Variants in PGCKA1 observed in about 807,000 individuals in gnomAD.
PGCKA1 encodes the protein PDCD10 and GCKIII kinases associated 1.
the PGCKA1 span, among the ~76,000 whole-genome samples, chr4:37,520,925 T>C: frequency 0.066 from 10,092 of 152,272 alleles, 588 homozygotes; most frequent in South Asian, 0.24. Flanking sequence ...CCCTTTTTTC[T>C]CTTTTATTTT....
At chr4:37,588,825 C>A in the PGCKA1 span, 1 of 1,582,698 alleles carries the variant, frequency 6.3e-7, no homozygotes, top group Non-Finnish European at 8.7e-7. Flanking sequence ...TGTTCTCTAC[C>A]TTTTACGCTT....
chr4:37,578,826 G>A, the PGCKA1 span, among the ~76,000 whole-genome samples: 2 of 152,098 alleles, frequency 1.3e-5, no homozygotes, highest in Admixed American at 1.3e-4. Flanking sequence ...GGAGACAGAG[G>A]CAGGTGGATC....
the PGCKA1 span, among the ~76,000 whole-genome samples, chr4:37,509,017 A>C: frequency 6.6e-6 from 1 of 151,314 alleles, no homozygotes; most frequent in Non-Finnish European, 1.5e-5. Flanking sequence ...GATTAACAGC[A>C]TCCCAAGGCA....
chr4:37,509,214 C>T, the PGCKA1 span, among the ~76,000 whole-genome samples: 4 of 144,798 alleles, frequency 2.8e-5, no homozygotes, highest in African/African-American at 5.3e-5. Context: ...GACGGGGTGG[C>T]GGCCAGGCAG....
the PGCKA1 span, among the ~76,000 whole-genome samples, chr4:37,480,681 T>G: frequency 6.6e-6 from 1 of 152,208 alleles, no homozygotes; most frequent in Non-Finnish European, 1.5e-5. Flanking sequence ...AGGATTATTT[T>G]GGGGCAGACA....
the PGCKA1 span, chr4:37,590,893 G>C: frequency 1.9e-6 from 3 of 1,614,188 alleles, no homozygotes; most frequent in Non-Finnish European, 2.5e-6. Flanking sequence ...CCATGGCTCC[G>C]ATGGAGATGG....
chr4:37,531,468 T>C, the PGCKA1 span, among the ~76,000 whole-genome samples: 1 of 152,072 alleles, frequency 6.6e-6, no homozygotes, highest in South Asian at 2.1e-4. Context: ...CCCTTCAAGC[T>C]CAGAACCCAG....
the PGCKA1 span, among the ~76,000 whole-genome samples, chr4:37,483,664 A>G: frequency 6.6e-6 from 1 of 152,240 alleles, no homozygotes. Flanking sequence ...GATATCAAAG[A>G]TGGAGGTGTT....
chr4:37,519,118 A>G, the PGCKA1 span, among the ~76,000 whole-genome samples: 12 of 152,114 alleles, frequency 7.9e-5, no homozygotes, highest in African/African-American at 2.9e-4. Context: ...ATTCTGATCC[A>G]TTGGTCTATC....
the PGCKA1 span, among the ~76,000 whole-genome samples, chr4:37,513,439 T>C: frequency 2.0e-5 from 3 of 152,256 alleles, no homozygotes. Context: ...CTTCCTGGCT[T>C]GTAGATGGCA....
chr4:37,530,975 ACT>A, the PGCKA1 span, among the ~76,000 whole-genome samples: 1 of 152,002 alleles, frequency 6.6e-6, no homozygotes, highest in South Asian at 2.1e-4. Flanking sequence ...ACAGAACGAG[ACT>A]CTGTCTCAAA....
chr4:37,569,938 G>A, the PGCKA1 span, among the ~76,000 whole-genome samples: 1 of 150,776 alleles, frequency 6.6e-6, no homozygotes, highest in South Asian at 2.1e-4. Context: ...GCATGAAATG[G>A]ACTATTTGAT....
At chr4:37,532,093 T>A in the PGCKA1 span, among the ~76,000 whole-genome samples, 1 of 152,104 alleles carries the variant, frequency 6.6e-6, no homozygotes, top group East Asian at 1.9e-4. Flanking sequence ...TGAAATTAGC[T>A]ATGGCAGGAG....
the PGCKA1 span, among the ~76,000 whole-genome samples, chr4:37,547,342 C>T: frequency 1.3e-5 from 2 of 152,116 alleles, no homozygotes; most frequent in African/African-American, 4.8e-5. Context: ...TTGGTGTGAA[C>T]TGCAAAAGTG....
the PGCKA1 span, among the ~76,000 whole-genome samples, chr4:37,546,770 T>C: frequency 6.6e-5 from 10 of 152,218 alleles, no homozygotes; most frequent in African/African-American, 2.4e-4. Context: ...TGCAGGGGAC[T>C]CCAGCCAGCC....
At chr4:37,547,454 C>G in the PGCKA1 span, among the ~76,000 whole-genome samples, 1 of 152,086 alleles carries the variant, frequency 6.6e-6, no homozygotes, top group Non-Finnish European at 1.5e-5. Flanking sequence ...AATAAGCCCA[C>G]CCCACTAGGA....
chr4:37,509,950 GTGGAGAGAGAGGGAGCGGGAGACC>G, the PGCKA1 span, among the ~76,000 whole-genome samples: 7,861 of 148,110 alleles, frequency 0.053, 322 homozygotes, highest in Non-Finnish European at 0.077. Context: ...GAGGGAGACC[GTGGAGAGAGAGGGAGCGGGAGACC>G]GTGGGAGAGG....
chr4:37,528,283 G>A, the PGCKA1 span, among the ~76,000 whole-genome samples: 1 of 152,186 alleles, frequency 6.6e-6, no homozygotes. Flanking sequence ...GCAAGGAAAG[G>A]TATCCAGCTC....
chr4:37,457,528 A>C, the PGCKA1 span, among the ~76,000 whole-genome samples: 1 of 152,240 alleles, frequency 6.6e-6, no homozygotes, highest in African/African-American at 2.4e-5. Context: ...CTAGTTGTGG[A>C]GTAGATGTCT....
Sources: allele counts gnomAD v4.1 joint callset (sites outside exome capture counted in the v4.1 genomes callset), GRCh38; gene constraint gnomAD v4.1.1; transcripts MANE v1.5; gene names NCBI Gene and HGNC (gene_info 2026-07-23, HGNC 2026-07-21).